Variants in NELL2 observed in about 807,000 individuals in gnomAD.
NELL2 encodes the protein protein kinase C-binding protein NELL2.
A neutral mutation model predicts 109.6 loss-of-function variants in NELL2; 41 were observed. The observed-to-expected ratio is 0.37, with a 90% CI of 0.29 to 0.49. The LOEUF is 0.49. NELL2 is among the 20% of genes least tolerant of loss of function. The pLI, the probability that NELL2 is intolerant of heterozygous loss-of-function variation, is 0.98. For synonymous variants in NELL2, 355 were observed against 344.7 expected, an observed-to-expected ratio of 1.03 and a Z score of -0.33; for missense variants, 900 against 1,008.3, an observed-to-expected ratio of 0.89 and a Z score of 1.45.
In NELL2 at chr12:44,508,925, C is replaced by G. The variant is rs771414147; in HGVS notation, c.*9G>C. 1 of 1,608,990 alleles carries G rather than the reference C, an allele frequency of 6.2e-7. No homozygotes were observed. The highest frequency in any genetic ancestry group is 8.5e-7 in the Non-Finnish European group (1 of 1,176,402). ...CTTTTAACAGAAATCTCCCATGAGA[C>G]AGTTAACTTCACAGTTCCTGAAGGC... On this transcript the variant is annotated 3_prime_UTR_variant, in exon 20 of 20. Transcript: ENST00000429094.
intron 13 of NELL2, among the ~76,000 whole-genome samples, chr12:44,630,424 ATAAGT>A (rs1446750733): frequency 6.6e-6 from 1 of 152,208 alleles, no homozygotes; most frequent in Non-Finnish European, 1.5e-5. Flanking sequence ...AAATGTTAAA[ATAAGT>A]TAAGAAGCTC....
In NELL2 at chr12:44,555,088, C is replaced by T. The variant is rs147507475; in HGVS notation, c.1664-22367G>A. 7.9e-5 allele frequency among the ~76,000 whole-genome samples: 12 copies of T among 152,268 alleles called. No homozygotes were observed. The East Asian group carries it at 1.7e-3, about 22-fold the overall frequency. Reference sequence around the variant, plus strand: ...AGTCATTCTTCGTAGATGATGCTGACAGCAAAGATAACTGAGTGGAAGGTC... The same window carrying T: ...AGTCATTCTTCGTAGATGATGCTGATAGCAAAGATAACTGAGTGGAAGGTC... On this transcript the variant is annotated intron_variant, in intron 15 of 19. Transcript: ENST00000429094.
intron 2 of NELL2, among the ~76,000 whole-genome samples, chr12:44,846,992 G>A (rs1341028541): frequency 1.3e-5 from 2 of 152,246 alleles, no homozygotes; most frequent in East Asian, 1.9e-4. Flanking sequence ...AAGCTCACTT[G>A]TGGGAGTGTT....
intron 9 of NELL2, among the ~76,000 whole-genome samples, chr12:44,746,697 A>C (rs897986609): frequency 1.3e-5 from 2 of 152,212 alleles, no homozygotes; most frequent in African/African-American, 2.4e-5. Context: ...CACATGAAAA[A>C]ATGCTCATCA....
chr12:44,574,251 G>A (rs954178562), intron 15 of NELL2, among the ~76,000 whole-genome samples: 4 of 151,772 alleles, frequency 2.6e-5, no homozygotes, highest in African/African-American at 4.8e-5. Flanking sequence ...ACAGGCGTGC[G>A]CCACAACGCC....
intron 10 of NELL2, among the ~76,000 whole-genome samples, chr12:44,713,225 C>CAG (rs920267469): frequency 2.1e-3 from 274 of 127,456 alleles, no homozygotes; most frequent in East Asian, 0.015. Flanking sequence ...CAGAGAGAGA[C>CAG]AGAGAGAGAG....
At chr12:44,857,419 G>A (rs538469942) in intron 2 of NELL2, among the ~76,000 whole-genome samples, 22 of 152,206 alleles carry the variant, frequency 1.4e-4, no homozygotes, top group Admixed American at 7.9e-4. Flanking sequence ...AGGAAATGTA[G>A]GGAAAAATAA....
intron 2 of NELL2, among the ~76,000 whole-genome samples, chr12:44,870,415 T>C (rs1945128734): frequency 6.6e-6 from 1 of 152,142 alleles, no homozygotes; most frequent in Admixed American, 6.6e-5. Flanking sequence ...AGCACCACAC[T>C]TCCATGCAGG....
chr12:44,551,086 TGTTGATGGTACTGACA>T (rs1421569376), intron 15 of NELL2, among the ~76,000 whole-genome samples: 1 of 152,166 alleles, frequency 6.6e-6, no homozygotes, highest in Admixed American at 6.5e-5. Context: ...GTGATGAATA[TGTTGATGGTACTGACA>T]GTTTCACAAG....
intron 9 of NELL2, among the ~76,000 whole-genome samples, chr12:44,722,977 A>C (rs1372174000): frequency 6.6e-6 from 1 of 152,128 alleles, no homozygotes; most frequent in Non-Finnish European, 1.5e-5. Flanking sequence ...TCACAAGTTC[A>C]GGAGATTGAG....
At chr12:44,797,197 T>G (rs1420149316) in intron 3 of NELL2, among the ~76,000 whole-genome samples, 1 of 152,068 alleles carries the variant, frequency 6.6e-6, no homozygotes, top group Non-Finnish European at 1.5e-5. Flanking sequence ...TTTCTCATTA[T>G]CTCAACTCAG....
At chr12:44,658,758 T>C (rs57004692) in intron 13 of NELL2, among the ~76,000 whole-genome samples, 24,416 of 150,598 alleles carry the variant, frequency 0.16, 2,044 homozygotes, top group East Asian at 0.21. Flanking sequence ...CGCCTGTAGT[T>C]CCAGCTACTC....
chr12:44,643,747 G>T (rs780768136), intron 13 of NELL2, among the ~76,000 whole-genome samples: 23 of 152,176 alleles, frequency 1.5e-4, no homozygotes, highest in East Asian at 1.9e-4. Flanking sequence ...ATGTGTATTT[G>T]GTTTCCCCTG....
intron 11 of NELL2, among the ~76,000 whole-genome samples, chr12:44,709,750 A>G (rs778079877): frequency 3.3e-5 from 5 of 152,180 alleles, no homozygotes; most frequent in Non-Finnish European, 7.3e-5. Flanking sequence ...TTTTAATAAG[A>G]TGCCTAAGTT....
intron 3 of NELL2, among the ~76,000 whole-genome samples, chr12:44,804,293 A>G (rs1274743060): frequency 6.6e-6 from 1 of 151,964 alleles, no homozygotes; most frequent in East Asian, 1.9e-4. Flanking sequence ...TACTAAAAAA[A>G]GAGGCAAACA....
intron 1 of NELL2, among the ~76,000 whole-genome samples, chr12:44,911,442 A>C (rs1320910887): frequency 6.6e-6 from 1 of 152,004 alleles, no homozygotes; most frequent in Non-Finnish European, 1.5e-5. Context: ...AGTAAACAGT[A>C]AGTATTCCAA....
chr12:44,557,606 C>T (rs1277325324), intron 15 of NELL2, among the ~76,000 whole-genome samples: 1 of 152,150 alleles, frequency 6.6e-6, no homozygotes, highest in African/African-American at 2.4e-5. Flanking sequence ...TGGAAGATCA[C>T]TTTAGACTAC....
intron 3 of NELL2, among the ~76,000 whole-genome samples, chr12:44,804,952 TTTTC>T (rs1257264181): frequency 6.6e-6 from 1 of 151,918 alleles, no homozygotes; most frequent in African/African-American, 2.4e-5. Flanking sequence ...CAAAATCCAT[TTTTC>T]TAGTAATACG....
chr12:44,597,646 C>CT (rs1364327549), intron 15 of NELL2, among the ~76,000 whole-genome samples: 1 of 152,140 alleles, frequency 6.6e-6, no homozygotes, highest in Non-Finnish European at 1.5e-5. Flanking sequence ...TGTATTTATA[C>CT]TTTATTAATA....
Sources: allele counts gnomAD v4.1 joint callset (sites outside exome capture counted in the v4.1 genomes callset), GRCh38; gene constraint gnomAD v4.1.1; transcripts MANE v1.5; gene names NCBI Gene and HGNC (gene_info 2026-07-23, HGNC 2026-07-21).